DRC11: variants seen among roughly 807,000 people sequenced by gnomAD.
DRC11 encodes IQ and AAA domain-containing protein 1.
At chr2:236,358,592 T>A in the DRC11 span, among the ~76,000 whole-genome samples, 137 of 145,720 alleles carry the variant, frequency 9.4e-4, 2 homozygotes, top group African/African-American at 3.2e-3. Flanking sequence ...GTCTGTATAA[T>A]AGTAAACCAG....
chr2:236,337,184 A>G, the DRC11 span, among the ~76,000 whole-genome samples: 3 of 152,132 alleles, frequency 2.0e-5, no homozygotes, highest in Admixed American at 1.3e-4. The surrounding 1 kb of genome is among the most constrained non-coding windows in gnomAD (Gnocchi z 4.9). Context: ...CTCTCACATC[A>G]TGAGGTACAT....
the DRC11 span, among the ~76,000 whole-genome samples, chr2:236,452,459 A>T: frequency 6.6e-6 from 1 of 152,194 alleles, no homozygotes; most frequent in Non-Finnish European, 1.5e-5. The surrounding 1 kb of genome is among the most constrained non-coding windows in gnomAD (Gnocchi z 4.7). Context: ...TAATGTCAGC[A>T]GGCTCATAAA....
the DRC11 span, among the ~76,000 whole-genome samples, chr2:236,480,026 T>G: frequency 1.6e-4 from 25 of 151,790 alleles, no homozygotes; most frequent in African/African-American, 5.1e-4. Context: ...TGACAGGTTT[T>G]TTTTTTTTTT....
chr2:236,448,757 G>A, the DRC11 span, among the ~76,000 whole-genome samples: 5 of 152,166 alleles, frequency 3.3e-5, no homozygotes, highest in East Asian at 3.9e-4. This position sits in a 1 kb window ranked among gnomAD's most constrained non-coding sequence, Gnocchi z 5.3. Flanking sequence ...GCTGGTGGTC[G>A]GGGCAGAGAC....
chr2:236,483,396 T>C, the DRC11 span, among the ~76,000 whole-genome samples: 1 of 152,318 alleles, frequency 6.6e-6, no homozygotes, highest in South Asian at 2.1e-4. This position sits in a 1 kb window ranked among gnomAD's most constrained non-coding sequence, Gnocchi z 4.8. Context: ...TGTTGGCTTA[T>C]TTTTGAAACA....
chr2:236,446,377 C>T, the DRC11 span, among the ~76,000 whole-genome samples: 2 of 152,262 alleles, frequency 1.3e-5, no homozygotes, highest in Admixed American at 6.5e-5. This position sits in a 1 kb window ranked among gnomAD's most constrained non-coding sequence, Gnocchi z 6.2. Flanking sequence ...AGATGGGGTC[C>T]GAGGCACTGA....
At chr2:236,334,679 G>A in the DRC11 span, among the ~76,000 whole-genome samples, 1 of 152,124 alleles carries the variant, frequency 6.6e-6, no homozygotes, top group Non-Finnish European at 1.5e-5. The surrounding 1 kb of genome is among the most constrained non-coding windows in gnomAD (Gnocchi z 7.8). Flanking sequence ...CGCTCGAGAT[G>A]ACGCAGTCTC....
the DRC11 span, among the ~76,000 whole-genome samples, chr2:236,308,773 A>C: frequency 3.2e-4 from 48 of 152,342 alleles, no homozygotes; most frequent in Non-Finnish European, 6.3e-4. The surrounding 1 kb of genome is among the most constrained non-coding windows in gnomAD (Gnocchi z 6.0). Context: ...GCTAGGGTTG[A>C]TACCATATCT....
chr2:236,418,639 G>A, the DRC11 span, among the ~76,000 whole-genome samples: 5 of 152,242 alleles, frequency 3.3e-5, no homozygotes, highest in Non-Finnish European at 7.3e-5. Context: ...CCTACACGAC[G>A]GAAGGACGGG....
the DRC11 span, among the ~76,000 whole-genome samples, chr2:236,349,879 A>G: frequency 6.6e-6 from 1 of 152,168 alleles, no homozygotes; most frequent in African/African-American, 2.4e-5. This position sits in a 1 kb window ranked among gnomAD's most constrained non-coding sequence, Gnocchi z 5.5. Context: ...CCTAAAATAA[A>G]AGTTAAAAAC....
At chr2:236,356,922 T>G in the DRC11 span, among the ~76,000 whole-genome samples, 1 of 126,610 alleles carries the variant, frequency 7.9e-6, no homozygotes, top group Non-Finnish European at 1.7e-5. Context: ...TTATATATAT[T>G]CATATATATT....
At chr2:236,417,465 G>A in the DRC11 span, among the ~76,000 whole-genome samples, 4 of 152,054 alleles carry the variant, frequency 2.6e-5, no homozygotes, top group Non-Finnish European at 5.9e-5. Context: ...AGCTGGAGCT[G>A]GGTCACTGCC....
the DRC11 span, among the ~76,000 whole-genome samples, chr2:236,389,502 T>C: frequency 2.0e-5 from 3 of 152,238 alleles, no homozygotes; most frequent in Non-Finnish European, 2.9e-5. Context: ...AGTGAGGCAA[T>C]GCCTCGCCCT....
chr2:236,368,269 G>T, the DRC11 span: 1 of 1,606,692 alleles, frequency 6.2e-7, no homozygotes. Flanking sequence ...ATGGACACCT[G>T]GCGAAGAGTA....
At chr2:236,312,455 C>T in the DRC11 span, among the ~76,000 whole-genome samples, 3 of 152,020 alleles carry the variant, frequency 2.0e-5, no homozygotes, top group Non-Finnish European at 4.4e-5. Flanking sequence ...CTGATATATG[C>T]CCCCCTAATT....
chr2:236,424,548 T>C, the DRC11 span, among the ~76,000 whole-genome samples: 18 of 152,320 alleles, frequency 1.2e-4, no homozygotes, highest in African/African-American at 4.3e-4. Flanking sequence ...AAAAATTTAA[T>C]ATATATACAG....
At chr2:236,321,396 G>A in the DRC11 span, among the ~76,000 whole-genome samples, 1 of 152,166 alleles carries the variant, frequency 6.6e-6, no homozygotes, top group South Asian at 2.1e-4. Flanking sequence ...GAGCAAGAAG[G>A]TAGAACAGTA....
At chr2:236,315,901 A>G in the DRC11 span, among the ~76,000 whole-genome samples, 1 of 152,192 alleles carries the variant, frequency 6.6e-6, no homozygotes, top group Non-Finnish European at 1.5e-5. This position sits in a 1 kb window ranked among gnomAD's most constrained non-coding sequence, Gnocchi z 5.1. Context: ...TGCTGGGCTT[A>G]ATACCTAAGT....
the DRC11 span, among the ~76,000 whole-genome samples, chr2:236,374,031 AG>A: frequency 7.9e-3 from 1,199 of 152,200 alleles, 19 homozygotes; most frequent in South Asian, 0.063. Context: ...TCTGCTATTG[AG>A]GTGGGCCAAA....
Sources: allele counts gnomAD v4.1 joint callset (sites outside exome capture counted in the v4.1 genomes callset), GRCh38; gene constraint gnomAD v4.1.1; non-coding constraint Gnocchi (gnomAD v3.1); transcripts MANE v1.5; gene names NCBI Gene and HGNC (gene_info 2026-07-23, HGNC 2026-07-21).